SIKE1: variants seen among roughly 807,000 people sequenced by gnomAD.
SIKE1 encodes the protein suppressor of IKBKE 1.
In SIKE1, 13 loss-of-function variants were observed where a neutral mutation model predicts 25.8. The ratio of observed to expected loss-of-function variants is 0.50; its 90% CI spans 0.33 to 0.80. The LOEUF (loss-of-function observed/expected upper bound fraction) is 0.80. Among genes scored for constraint, SIKE1 ranks in the 30% least tolerant of loss-of-function variants. The pLI, the probability that SIKE1 is intolerant of heterozygous loss-of-function variation, is 0.02. For synonymous variants in SIKE1, 86 were observed against 95.5 expected, an observed-to-expected ratio of 0.90 and a Z score of 0.58; for missense variants, 222 against 252.4, an observed-to-expected ratio of 0.88 and a Z score of 0.82.
chr1:114,774,791 G>A (rs1662166882), intron 4 of SIKE1, among the ~76,000 whole-genome samples: 1 of 152,140 alleles, frequency 6.6e-6, no homozygotes, highest in Admixed American at 6.5e-5. Context: ...CAGTTCTAGA[G>A]AAATGGAAGG....
chr1:114,774,057 G>C lies in SIKE1; in HGVS notation c.*214C>G, dbSNP rs561416848. 7 of 368,552 alleles carry C rather than the reference G, an allele frequency of 1.9e-5. No individual in the cohort carries two copies. In the East Asian group the frequency reaches 2.7e-4, roughly 14 times the overall value. The allele number at this position is 368,552 out of a possible 1,614,324, so 22.8% of individuals were successfully genotyped here. On this transcript the variant is annotated 3_prime_UTR_variant, in exon 5 of 5. Coordinates refer to ENST00000060969, the MANE Select transcript of SIKE1 (RefSeq NM_025073.3). The stretch of plus-strand genomic sequence containing the variant: ...TGAAAATTAAAAGTAGTCTCTTTGA[G>C]AAAGGAATGGTGAAATTCAGCATGT...
At chr1:114,776,182 C>T (rs905995615) in intron 4 of SIKE1, among the ~76,000 whole-genome samples, 164 bp downstream of exon 4, 5 of 152,076 alleles carry the variant, frequency 3.3e-5, no homozygotes, top group Admixed American at 2.6e-4. Context: ...TACTATATTT[C>T]CTTTCTTCAA....
intron 2 of SIKE1, 31 bp from the exon 3 acceptor site, chr1:114,779,315 TG>T: frequency 6.2e-7 from 1 of 1,607,156 alleles, no homozygotes; most frequent in Non-Finnish European, 8.5e-7. Context: ...TTGGCAGTGA[TG>T]TCTGAGAGAC....
At chr1:114,776,287 T>C (rs1371208520) in intron 4 of SIKE1, 59 bp downstream of exon 4, 2 of 1,015,296 alleles carry the variant, frequency 2.0e-6, no homozygotes, top group Non-Finnish European at 3.1e-6. Context: ...AGTGATGGCA[T>C]ATCTTCCAGA....
rs778267994 is a variant in SIKE1 at position 114,779,238 on chromosome 1, G to T, written c.312C>A (p.Ile104=). 6.2e-7 allele frequency: 1 copy of T among 1,614,056 alleles called. No individual in the cohort carries two copies. Among genetic ancestry groups the T allele is most frequent in the Non-Finnish European group, 8.5e-7 (1 of 1,180,030 alleles). The stretch of plus-strand genomic sequence containing the variant: ...ACATCTGTTTCCGATATTTGCTCAT[G>T]ATAAGTTCCAAAGCATCCTGGTGTT... The part of the protein sequence containing the change: ...LEEHQDALEL[I]MSKYRKQMLQ... The change falls in exon 3 of 5, where the codon ATC becomes ATA. Residue 104 remains isoleucine (I), a synonymous_variant. Coordinates refer to ENST00000060969, the MANE Select transcript of SIKE1 (RefSeq NM_025073.3).
Position 114,772,175 on chromosome 1 carries a change from T to C in SIKE1, c.*2096A>G, listed in dbSNP as rs531598934. ...GACCACTTGACAAGGTTGCTATATATATGTAAAAAAACCCTCTGCACTTCC... is the reference window on the plus strand; with the variant it reads ...GACCACTTGACAAGGTTGCTATATACATGTAAAAAAACCCTCTGCACTTCC... On this transcript the variant is annotated 3_prime_UTR_variant, in exon 5 of 5. Coordinates refer to ENST00000060969, the MANE Select transcript of SIKE1 (RefSeq NM_025073.3). 4.6e-5 allele frequency: 7 copies of C among 152,308 alleles called. No homozygotes were observed. The highest frequency in any genetic ancestry group is 1.2e-4 in the African/African-American group (5 of 41,580). 9.4% of individuals were successfully genotyped at this position (152,308 alleles called of 1,614,324 possible).
rs1662143509 is a variant in SIKE1, at chr1:114,774,156, C to T, written c.*115G>A. 4 of 762,258 alleles carry T rather than the reference C, an allele frequency of 5.2e-6. No homozygotes were observed. In the Admixed American group the frequency reaches 1.0e-4, roughly 19 times the overall value. 47.2% of individuals were successfully genotyped at this position (762,258 alleles called of 1,614,324 possible). Reference sequence around the variant, plus strand: ...GGAATTCTAAATTGCCACCTGATACCTTTAATTAAGATTAAATCAAATCTG... The same window carrying T: ...GGAATTCTAAATTGCCACCTGATACTTTTAATTAAGATTAAATCAAATCTG... On this transcript the variant is annotated 3_prime_UTR_variant, in exon 5 of 5. Transcript: ENST00000060969.
chr1:114,772,598 C>T lies in SIKE1; in HGVS notation c.*1673G>A, dbSNP rs1167221903. 1 of 152,176 alleles carries T rather than the reference C, an allele frequency of 6.6e-6. No homozygotes were observed. 9.4% of individuals were successfully genotyped at this position (152,176 alleles called of 1,614,324 possible). On this transcript the variant is annotated 3_prime_UTR_variant, in exon 5 of 5. Transcript: ENST00000060969. ...TTATACCTTGATTTGATTACTTCAT[C>T]ATTTTCACTGAAATCTGGCCATGGT...
intron 3 of SIKE1, 89 bp downstream of exon 3, chr1:114,779,053 A>AT (rs1256048028): frequency 3.3e-6 from 5 of 1,515,196 alleles, no homozygotes; most frequent in Non-Finnish European, 4.5e-6. Flanking sequence ...GCCAGACCCT[A>AT]TCTCACAAAG....
In SIKE1 at chr1:114,770,576, C is replaced by T. The variant is rs564702617; in HGVS notation, c.*3695G>A. 1 of 152,240 alleles carries T rather than the reference C, an allele frequency of 6.6e-6. No individual in the cohort carries two copies. The highest frequency in any genetic ancestry group is 1.9e-4 in the East Asian group (1 of 5,180). The allele number at this position is 152,240 out of a possible 1,614,324, so 9.4% of individuals were successfully genotyped here. A position where few individuals can be genotyped will look rare whatever the true frequency, so the allele number is the denominator to read the frequency against. ...AAGGCAGATGTTTCTTCCTTAGCTG[C>T]AAAAGGAGGCTGAGAAAACATTACC... On this transcript the variant is annotated 3_prime_UTR_variant, in exon 5 of 5. Coordinates refer to ENST00000060969, the MANE Select transcript of SIKE1 (RefSeq NM_025073.3).
At chr1:114,776,484 G>A (rs756954695) in intron 3 of SIKE1, 25 bp from the exon 4 acceptor site, 1 of 1,492,652 alleles carries the variant, frequency 6.7e-7, no homozygotes, top group Non-Finnish European at 9.3e-7. Flanking sequence ...AGGAAACAAA[G>A]GTGGAAAAAT....
Position 114,770,374 on chromosome 1 carries a change from T to C in SIKE1, c.*3897A>G, listed in dbSNP as rs781552833. On this transcript the variant is annotated 3_prime_UTR_variant, in exon 5 of 5. Transcript: ENST00000060969. ...ACAGTGCTACTGCACTCCAGCCTGGTTGACAGAGCAAGACTGTCTCAAAAA... is the reference window on the plus strand; with the variant it reads ...ACAGTGCTACTGCACTCCAGCCTGGCTGACAGAGCAAGACTGTCTCAAAAA... The C allele has an allele frequency of 2.0e-5, 3 of 152,136 alleles. No individual in the cohort carries two copies. The highest frequency in any genetic ancestry group is 6.6e-5 in the Admixed American group (1 of 15,254). 9.4% of individuals were successfully genotyped at this position (152,136 alleles called of 1,614,324 possible).
intron 4 of SIKE1, 62 bp from the exon 5 acceptor site, chr1:114,774,434 A>C: frequency 1.8e-6 from 2 of 1,108,248 alleles, no homozygotes; most frequent in South Asian, 1.5e-5. Flanking sequence ...TTACAACAAC[A>C]CATTATTTTG....
chr1:114,779,553 A>G (rs954795765), intron 2 of SIKE1, among the ~76,000 whole-genome samples: 2 of 152,362 alleles, frequency 1.3e-5, no homozygotes, highest in African/African-American at 2.4e-5. Flanking sequence ...GTTAATACTC[A>G]TAAGTAAATC....
rs1296965017 is a variant in SIKE1, at chr1:114,780,609, G to A, written c.-2C>T. On this transcript the variant is annotated 5_prime_UTR_variant, in exon 1 of 5. Transcript: ENST00000060969. ...GATCTTCTCGATGGTGCAGCTCATAGCAGCAGCACCACCCCAGCCCCTGCC... is the reference window on the plus strand; with the variant it reads ...GATCTTCTCGATGGTGCAGCTCATAACAGCAGCACCACCCCAGCCCCTGCC... 9 of 1,607,440 alleles carry A rather than the reference G, an allele frequency of 5.6e-6. No homozygotes were observed. Among genetic ancestry groups the A allele is most frequent in the Non-Finnish European group, 7.7e-6 (9 of 1,175,530 alleles).
rs1662023355 is a variant in SIKE1 at position 114,770,041 on chromosome 1, C to T, written c.*4230G>A. 6.6e-6 allele frequency: 1 copy of T among 152,120 alleles called. No homozygotes were observed. Among genetic ancestry groups the T allele is most frequent in the Non-Finnish European group, 1.5e-5 (1 of 68,036 alleles). 9.4% of individuals were successfully genotyped at this position (152,120 alleles called of 1,614,324 possible). A position where few individuals can be genotyped will look rare whatever the true frequency, so the allele number is the denominator to read the frequency against. On this transcript the variant is annotated 3_prime_UTR_variant, in exon 5 of 5. Coordinates refer to ENST00000060969, the MANE Select transcript of SIKE1 (RefSeq NM_025073.3). ...AGGCAATTCAGGTTAGTTTTAATAA[C>T]AGCAAAAAAATGATTTTATTAAAAG... is the stretch of plus-strand genomic sequence containing the variant.
At chr1:114,777,153 G>C (rs979131928) in intron 3 of SIKE1, among the ~76,000 whole-genome samples, 1 of 151,984 alleles carries the variant, frequency 6.6e-6, no homozygotes, top group African/African-American at 2.4e-5. Context: ...CTAATGTAAA[G>C]GACGAGTTAA....
intron 4 of SIKE1, among the ~76,000 whole-genome samples, chr1:114,775,574 G>A (rs959187122): frequency 2.0e-5 from 3 of 147,118 alleles, no homozygotes; most frequent in Admixed American, 1.4e-4. Context: ...ATGCATGATC[G>A]TGGCTCACTG....
chr1:114,775,026 A>G (rs1487922641), intron 4 of SIKE1, among the ~76,000 whole-genome samples: 1 of 152,140 alleles, frequency 6.6e-6, no homozygotes, highest in Non-Finnish European at 1.5e-5. Flanking sequence ...TTTCTACTTG[A>G]AGTATTAAGG....
Sources: allele counts gnomAD v4.1 joint callset (sites outside exome capture counted in the v4.1 genomes callset), GRCh38; gene constraint gnomAD v4.1.1; transcripts MANE v1.5; gene names NCBI Gene and HGNC (gene_info 2026-07-23, HGNC 2026-07-21).